Variants in SMIM1 observed in about 807,000 individuals in gnomAD.
The protein encoded by SMIM1 is small integral membrane protein 1 (Vel blood group).
In SMIM1, 7 loss-of-function variants were observed where a neutral mutation model predicts 7.7. The ratio of observed to expected loss-of-function variants is 0.91; its 90% confidence interval spans 0.52 to 1.71. SMIM1 has a LOEUF of 1.71. Ranked by LOEUF, SMIM1 falls within the 40% of genes most tolerant of loss-of-function variation. SMIM1 has a pLI of 0.00. For missense variants in SMIM1, 95 were observed against 102.8 expected (o/e 0.92, Z 0.33); for synonymous variants, 41 against 42.7 (o/e 0.96, Z 0.16).
intron 2 of SMIM1, among the ~76,000 whole-genome samples, chr1:3,773,825 G>C (rs892890870): frequency 3.9e-5 from 6 of 152,310 alleles, no homozygotes; most frequent in East Asian, 1.9e-4. Context: ...ACCAGAATGG[G>C]ATTCTGCACA....
In SMIM1 at chr1:3,775,349, G is replaced by A. The variant is rs769379251; in HGVS notation, c.-25G>A. 2.6e-5 allele frequency: 40 copies of A among 1,531,828 alleles called. No individual in the cohort carries two copies. The highest frequency in any genetic ancestry group is 2.3e-4 in the South Asian group (19 of 83,370). 94.9% of individuals were successfully genotyped at this position (1,531,828 alleles called of 1,614,324 possible). ...TTGATCTCCCCACCGAGAAGGCCCC[G>A]CCCCTCCCGCTGCAGCCCCACAGCA... is the stretch of plus-strand genomic sequence containing the variant. On this transcript the variant is annotated 5_prime_UTR_variant, in exon 3 of 4. Coordinates refer to ENST00000642557, the MANE Select transcript of SMIM1 (RefSeq NM_001288583.2). This position sits in a 1 kb window ranked among gnomAD's most constrained non-coding sequence, Gnocchi z 5.3.
At position 3,775,584 on chromosome 1, in the gene SMIM1, C is replaced by T. The variant is rs914866213; in HGVS notation, c.110+101C>T. 1 of 1,297,456 alleles carries T rather than the reference C, an allele frequency of 7.7e-7. No homozygotes were observed. The highest frequency in any genetic ancestry group is 1.0e-6 in the Non-Finnish European group (1 of 953,434). 80.4% of individuals were successfully genotyped at this position (1,297,456 alleles called of 1,614,324 possible). A position where few individuals can be genotyped will look rare whatever the true frequency, so the allele number is the denominator to read the frequency against. On this transcript the variant is annotated intron_variant, in intron 3 of 3. Coordinates refer to ENST00000642557, the MANE Select transcript of SMIM1 (RefSeq NM_001288583.2). This position sits in a 1 kb window ranked among gnomAD's most constrained non-coding sequence, Gnocchi z 5.3. ...CTACCGGCCCCATCACCCTCCACCCCATCCTGGCTGGGAGCCCACGGTCCA... is the reference window on the plus strand; with the variant it reads ...CTACCGGCCCCATCACCCTCCACCCTATCCTGGCTGGGAGCCCACGGTCCA...
chr1:3,775,514 T>TA lies in SMIM1; in HGVS notation c.110+32dup, dbSNP rs1557637219. 1.3e-6 allele frequency: 2 copies of TA among 1,527,772 alleles called. No individual in the cohort carries two copies. The highest frequency in any genetic ancestry group is 2.8e-5 in the African/African-American group (2 of 72,582). The allele number at this position is 1,527,772 out of a possible 1,614,324, so 94.6% of individuals were successfully genotyped here. On this transcript the variant is annotated intron_variant, in intron 3 of 3. Transcript: ENST00000642557. This position sits in a 1 kb window ranked among gnomAD's most constrained non-coding sequence, Gnocchi z 5.3. Reference sequence around the variant, plus strand: ...GGGCCTGAGGGCAGCCTGCCAGCCATAGCAGGCTGGTGTCTCCCTCCAGAG... The same window carrying TA: ...GGGCCTGAGGGCAGCCTGCCAGCCATAAGCAGGCTGGTGTCTCCCTCCAGAG...
At position 3,775,706 on chromosome 1, in the gene SMIM1, C is replaced by T. The variant is rs1486774097; in HGVS notation, c.111-89C>T. 12 of 1,482,626 alleles carry T rather than the reference C, an allele frequency of 8.1e-6. No individual in the cohort carries two copies. In the East Asian group the frequency reaches 2.7e-4, roughly 34 times the overall value. 91.8% of individuals were successfully genotyped at this position (1,482,626 alleles called of 1,614,324 possible). ...CCAGCAGAGCGCCCAGGCCCCTCCC[C>T]CTGACCCAGACCAACGGCCACAGTC... On this transcript the variant is annotated intron_variant, in intron 3 of 3. Transcript: ENST00000642557. The surrounding 1 kb of genome is among the most constrained non-coding windows in gnomAD (Gnocchi z 5.3).
chr1:3,773,882 A>G (rs1428602827), intron 2 of SMIM1, among the ~76,000 whole-genome samples: 2 of 152,182 alleles, frequency 1.3e-5, no homozygotes, highest in East Asian at 1.9e-4. Context: ...ACCGCTCCAC[A>G]TGCTCCGGGA....
intron 2 of SMIM1, among the ~76,000 whole-genome samples, chr1:3,774,734 G>C (rs1281027435): frequency 6.6e-6 from 1 of 152,240 alleles, no homozygotes; most frequent in Non-Finnish European, 1.5e-5. Flanking sequence ...TAGAGGTGTG[G>C]GTGGGGGAGG....
chr1:3,773,200 G>A lies in SMIM1; in HGVS notation c.-76+19G>A, dbSNP rs1179392144. On this transcript the variant is annotated intron_variant, in intron 2 of 3. Coordinates refer to ENST00000642557, the MANE Select transcript of SMIM1 (RefSeq NM_001288583.2). ...TCTCCGGGTAAGTGTGGGGCCCTGA[G>A]GCGCTGTGGGGTGAAGAGGTCTATG... The A allele has an allele frequency of 6.6e-6, 1 of 152,346 alleles. No homozygotes were observed. Among genetic ancestry groups the A allele is most frequent in the East Asian group, 1.9e-4 (1 of 5,186 alleles). The allele number at this position is 152,346 out of a possible 1,614,324, so 9.4% of individuals were successfully genotyped here.
rs1293923006 is a variant in SMIM1 at position 3,773,065 on chromosome 1, T to C, written c.-192T>C. The C allele has an allele frequency of 6.6e-6, 1 of 152,138 alleles. No individual in the cohort carries two copies. The highest frequency in any genetic ancestry group is 1.5e-5 in the Non-Finnish European group (1 of 68,022). The allele number at this position is 152,138 out of a possible 1,614,324, so 9.4% of individuals were successfully genotyped here. On this transcript the variant is annotated splice_region_variant and 5_prime_UTR_variant, in exon 2 of 4. Transcript: ENST00000642557. ...TCCGGTCACCTTTATTTTTTTAGGC[T>C]CGAGGCGTCTGCCGCACCTCAGCCC...
chr1:3,773,281 C>T (rs1480512280), intron 2 of SMIM1, 100 bp downstream of exon 2: 2 of 152,456 alleles, frequency 1.3e-5, no homozygotes, highest in Non-Finnish European at 2.9e-5. Flanking sequence ...CAGGAGGTGC[C>T]AGGATCCGGG....
chr1:3,773,670 T>C (rs1365439856), intron 2 of SMIM1, among the ~76,000 whole-genome samples: 1 of 152,148 alleles, frequency 6.6e-6, no homozygotes, highest in Non-Finnish European at 1.5e-5. Flanking sequence ...CTGCTGCTGC[T>C]TTCACAGAAG....
chr1:3,772,874 C>G (rs1326057759), intron 1 of SMIM1, 86 bp downstream of exon 1: 1 of 152,404 alleles, frequency 6.6e-6, no homozygotes, highest in Admixed American at 6.5e-5. Flanking sequence ...TGGCTGAGAA[C>G]TGGCGGGGGT....
chr1:3,775,318 C>A lies in SMIM1; in HGVS notation c.-56C>A. The A allele has an allele frequency of 7.3e-7, 1 of 1,373,956 alleles. No homozygotes were observed. The highest frequency in any genetic ancestry group is 9.9e-7 in the Non-Finnish European group (1 of 1,006,940). The allele number at this position is 1,373,956 out of a possible 1,614,324, so 85.1% of individuals were successfully genotyped here. A position where few individuals can be genotyped will look rare whatever the true frequency, so the allele number is the denominator to read the frequency against. Reference sequence around the variant, plus strand: ...TTACAGTGAAGCCACAGCCTGGCCACCTGTCTTGATCTCCCCACCGAGAAG... The same window carrying A: ...TTACAGTGAAGCCACAGCCTGGCCAACTGTCTTGATCTCCCCACCGAGAAG... On this transcript the variant is annotated 5_prime_UTR_variant, in exon 3 of 4. Transcript: ENST00000642557. This position sits in a 1 kb window ranked among gnomAD's most constrained non-coding sequence, Gnocchi z 5.3.
At chr1:3,774,870 C>CA (rs70940313) in intron 2 of SMIM1, among the ~76,000 whole-genome samples, 2 of 151,152 alleles carry the variant, frequency 1.3e-5, no homozygotes, top group African/African-American at 2.4e-5. Flanking sequence ...CCCTGCCCCA[C>CA]CCCCCCCTCC....
At chr1:3,774,683 C>A (rs1475910408) in intron 2 of SMIM1, among the ~76,000 whole-genome samples, 4 of 152,068 alleles carry the variant, frequency 2.6e-5, no homozygotes, top group African/African-American at 7.2e-5. Flanking sequence ...CCACCCCGGC[C>A]CCGTGCTCAG....
At position 3,775,766 on chromosome 1, in the gene SMIM1, G is replaced by T; in HGVS notation, c.111-29G>T. 1.3e-6 allele frequency: 2 copies of T among 1,545,754 alleles called. No homozygotes were observed. The highest frequency in any genetic ancestry group is 1.2e-5 in the South Asian group (1 of 83,870). On this transcript the variant is annotated intron_variant, in intron 3 of 3. Coordinates refer to ENST00000642557, the MANE Select transcript of SMIM1 (RefSeq NM_001288583.2). The surrounding 1 kb of genome is among the most constrained non-coding windows in gnomAD (Gnocchi z 5.3). ...GGCCCCTCATGCGGCCCTGGCCTGG[G>T]GCTCACCTCCAGTTGGTTCTCACCC...
chr1:3,775,689 G>A lies in SMIM1; in HGVS notation c.111-106G>A. 1.4e-6 allele frequency: 2 copies of A among 1,436,498 alleles called. No homozygotes were observed. The highest frequency in any genetic ancestry group is 2.5e-5 in the East Asian group (1 of 40,124). 89.0% of individuals were successfully genotyped at this position (1,436,498 alleles called of 1,614,324 possible). On this transcript the variant is annotated intron_variant, in intron 3 of 3. Coordinates refer to ENST00000642557, the MANE Select transcript of SMIM1 (RefSeq NM_001288583.2). The surrounding 1 kb of genome is among the most constrained non-coding windows in gnomAD (Gnocchi z 5.3). ...AGAGCTTCCTCTTGACTCCAGCAGA[G>A]CGCCCAGGCCCCTCCCCCTGACCCA...
At position 3,775,694 on chromosome 1, in the gene SMIM1, C is replaced by T; in HGVS notation, c.111-101C>T. On this transcript the variant is annotated intron_variant, in intron 3 of 3. Transcript: ENST00000642557. The surrounding 1 kb of genome is among the most constrained non-coding windows in gnomAD (Gnocchi z 5.3). ...TTCCTCTTGACTCCAGCAGAGCGCCCAGGCCCCTCCCCCTGACCCAGACCA... is the reference window on the plus strand; with the variant it reads ...TTCCTCTTGACTCCAGCAGAGCGCCTAGGCCCCTCCCCCTGACCCAGACCA... The T allele has an allele frequency of 6.9e-7, 1 of 1,455,216 alleles. No homozygotes were observed. The highest frequency in any genetic ancestry group is 9.1e-7 in the Non-Finnish European group (1 of 1,101,440). 90.1% of individuals were successfully genotyped at this position (1,455,216 alleles called of 1,614,324 possible). A position where few individuals can be genotyped will look rare whatever the true frequency, so the allele number is the denominator to read the frequency against.
chr1:3,773,983 T>C (rs547142910), intron 2 of SMIM1, among the ~76,000 whole-genome samples: 1 of 152,278 alleles, frequency 6.6e-6, no homozygotes, highest in East Asian at 1.9e-4. Context: ...AGGCACACTT[T>C]ATGGCTTTGA....
At position 3,775,283 on chromosome 1, in the gene SMIM1, T is replaced by C. The variant is rs1287490561; in HGVS notation, c.-75-16T>C. ...AGGGGGTCTTGACTGCCGCCCTCCATCCGCTTGTTTTACAGTGAAGCCACA... is the reference window on the plus strand; with the variant it reads ...AGGGGGTCTTGACTGCCGCCCTCCACCCGCTTGTTTTACAGTGAAGCCACA... On this transcript the variant is annotated splice_polypyrimidine_tract_variant and intron_variant, in intron 2 of 3. Transcript: ENST00000642557. This position sits in a 1 kb window ranked among gnomAD's most constrained non-coding sequence, Gnocchi z 5.3. The C allele has an allele frequency of 3.1e-6, 3 of 954,656 alleles. No homozygotes were observed. Among genetic ancestry groups the C allele is most frequent in the Non-Finnish European group, 4.6e-6 (3 of 653,190 alleles). 59.1% of individuals were successfully genotyped at this position (954,656 alleles called of 1,614,324 possible). A position where few individuals can be genotyped will look rare whatever the true frequency, so the allele number is the denominator to read the frequency against.
Sources: allele counts gnomAD v4.1 joint callset (sites outside exome capture counted in the v4.1 genomes callset), GRCh38; gene constraint gnomAD v4.1.1; non-coding constraint Gnocchi (gnomAD v3.1); transcripts MANE v1.5; gene names NCBI Gene and HGNC (gene_info 2026-07-23, HGNC 2026-07-21).